The following PEBP4 variants were observed in gnomAD, a reference collection of about 807,000 sequenced individuals.
PEBP4 encodes phosphatidylethanolamine-binding protein 4.
Under a neutral mutation model 23.9 loss-of-function variants are expected in PEBP4, and 22 were observed. That is an observed-to-expected ratio of 0.92 (90% confidence interval 0.66 to 1.31). The LOEUF is 1.31. Among genes scored for constraint, PEBP4 ranks in the 40% most tolerant of loss-of-function variants. The pLI is 0.00. For synonymous variants in PEBP4, 112 were observed against 99.3 expected, an observed-to-expected ratio of 1.13 and a Z score of -0.76; for missense variants, 324 against 281.7, an observed-to-expected ratio of 1.15 and a Z score of -1.07.
At chr8:22,939,262 T>C (rs908127273) in intron 1 of PEBP4, among the ~76,000 whole-genome samples, 10 of 152,056 alleles carry the variant, frequency 6.6e-5, no homozygotes, top group African/African-American at 1.9e-4. Context: ...TCCAGGGGAA[T>C]TTTTCTTCAA....
intron 3 of PEBP4, among the ~76,000 whole-genome samples, chr8:22,851,680 C>T (rs561048909): frequency 6.6e-5 from 10 of 152,172 alleles, no homozygotes; most frequent in African/African-American, 1.7e-4. Flanking sequence ...TTTTGCTTAT[C>T]AGAATCCCAT....
intron 2 of PEBP4, among the ~76,000 whole-genome samples, chr8:22,925,760 C>T (rs1809313762): frequency 6.6e-6 from 1 of 152,122 alleles, no homozygotes; most frequent in South Asian, 2.1e-4. Flanking sequence ...TTAAGGGGCC[C>T]TTATTGTGGC....
At chr8:22,862,116 G>C (rs1182683664) in intron 3 of PEBP4, among the ~76,000 whole-genome samples, 1 of 152,074 alleles carries the variant, frequency 6.6e-6, no homozygotes, top group African/African-American at 2.4e-5. Flanking sequence ...CTGAACTGAA[G>C]GTATGGGGTG....
chr8:22,802,662 C>G (rs1187692809), intron 4 of PEBP4, among the ~76,000 whole-genome samples: 4 of 152,220 alleles, frequency 2.6e-5, no homozygotes, highest in African/African-American at 7.2e-5. Context: ...TCCACATTCT[C>G]CCTCTAATAA....
At chr8:22,776,500 C>T (rs575571411) in intron 4 of PEBP4, among the ~76,000 whole-genome samples, 1 of 152,058 alleles carries the variant, frequency 6.6e-6, no homozygotes, top group African/African-American at 2.4e-5. Context: ...ATCGGTCTTG[C>T]TCTCAGCCTT....
chr8:22,896,726 T>C (rs945029650), intron 3 of PEBP4, among the ~76,000 whole-genome samples: 7 of 152,280 alleles, frequency 4.6e-5, no homozygotes, highest in East Asian at 3.9e-4. Context: ...TGACAACTTA[T>C]GATAAGGCAG....
At chr8:22,768,735 G>A (rs1035040264) in intron 4 of PEBP4, among the ~76,000 whole-genome samples, 6 of 152,138 alleles carry the variant, frequency 3.9e-5, no homozygotes, top group African/African-American at 1.4e-4. Context: ...GATGGGGAGA[G>A]GAGTGGGGGC....
At chr8:22,838,621 C>T (rs1023335166) in intron 3 of PEBP4, among the ~76,000 whole-genome samples, 6 of 152,246 alleles carry the variant, frequency 3.9e-5, no homozygotes, top group South Asian at 2.1e-4. Flanking sequence ...GCAAGTTCAG[C>T]GTTTGCCTAA....
chr8:22,866,978 G>A (rs935312764), intron 3 of PEBP4, among the ~76,000 whole-genome samples: 2 of 152,146 alleles, frequency 1.3e-5, no homozygotes, highest in Non-Finnish European at 1.5e-5. Flanking sequence ...CAAAGGATCG[G>A]CAGGAGCATA....
At chr8:22,750,690 G>T (rs1318496356) in intron 4 of PEBP4, among the ~76,000 whole-genome samples, 3 of 152,114 alleles carry the variant, frequency 2.0e-5, no homozygotes. Context: ...CAGTTAGAAA[G>T]GAGGGGGTCA....
intron 6 of PEBP4, among the ~76,000 whole-genome samples, chr8:22,721,110 T>G (rs1432873043): frequency 6.6e-6 from 1 of 152,154 alleles, no homozygotes; most frequent in Admixed American, 6.5e-5. Flanking sequence ...TGGGGTCTGA[T>G]GCAAGACCTC....
chr8:22,826,575 TA>T (rs916014725), intron 3 of PEBP4, among the ~76,000 whole-genome samples: 7 of 151,982 alleles, frequency 4.6e-5, no homozygotes, highest in Non-Finnish European at 7.4e-5. Context: ...TTCGTAACTG[TA>T]AAAAAAACCA....
At chr8:22,937,279 T>C (rs368458925) in intron 1 of PEBP4, among the ~76,000 whole-genome samples, 3 of 152,282 alleles carry the variant, frequency 2.0e-5, no homozygotes, top group African/African-American at 2.4e-5. Flanking sequence ...AAAAATCAAA[T>C]GCATTTCTTT....
intron 2 of PEBP4, chr8:22,924,961 G>T: frequency 1.0e-6 from 1 of 985,288 alleles, no homozygotes; most frequent in Non-Finnish European, 1.2e-6. Context: ...CAATCTTTAA[G>T]AGTTCCCTGG....
At chr8:22,793,912 CT>C (rs1184991685) in intron 4 of PEBP4, among the ~76,000 whole-genome samples, 4 of 152,174 alleles carry the variant, frequency 2.6e-5, no homozygotes, top group Non-Finnish European at 4.4e-5. Context: ...AATTTACACT[CT>C]CACCAGCACT....
intron 3 of PEBP4, among the ~76,000 whole-genome samples, chr8:22,829,556 C>T (rs1284220745): frequency 6.6e-6 from 1 of 152,148 alleles, no homozygotes; most frequent in Non-Finnish European, 1.5e-5. Context: ...CATCTGCCCC[C>T]AATCTCTTCT....
chr8:22,746,613 CCTCCTCTT>C (rs954623129), intron 4 of PEBP4, among the ~76,000 whole-genome samples: 11 of 151,938 alleles, frequency 7.2e-5, no homozygotes, highest in Non-Finnish European at 1.5e-4. Flanking sequence ...TCCGCCCTCT[CCTCCTCTT>C]CTCCCTCCTC....
chr8:22,833,706 C>T (rs912612720), intron 3 of PEBP4, among the ~76,000 whole-genome samples: 50 of 152,292 alleles, frequency 3.3e-4, no homozygotes, highest in African/African-American at 1.1e-3. Context: ...GCTTCACGAT[C>T]GTGATTAGTG....
intron 4 of PEBP4, among the ~76,000 whole-genome samples, chr8:22,742,459 T>A (rs1194631112): frequency 6.6e-6 from 1 of 152,136 alleles, no homozygotes; most frequent in African/African-American, 2.4e-5. Context: ...CATGAGAGGC[T>A]CTTGGGACTG....
Sources: gnomAD v4.1 joint callset for allele counts (sites outside exome capture counted in the v4.1 genomes callset) on GRCh38, gnomAD v4.1.1 for gene constraint, MANE v1.5 for transcripts, NCBI Gene and HGNC (gene_info 2026-07-23, HGNC 2026-07-21) for gene names.